HOPX: variants seen among roughly 807,000 people sequenced by gnomAD.
HOPX encodes HOP homeobox, also known as homeodomain-only protein.
A neutral mutation model predicts 11.8 loss-of-function variants in HOPX; 5 were observed. The observed-to-expected ratio is 0.43, with a 90% CI of 0.22 to 0.89. The LOEUF is 0.89. Among genes scored for constraint, HOPX ranks in the 40% least tolerant of loss-of-function variants. The pLI, the probability that HOPX is intolerant of heterozygous loss-of-function variation, is 0.28. For missense variants in HOPX, 119 were observed against 120.0 expected (o/e 0.99, Z 0.04); for synonymous variants, 49 against 49.7 (o/e 0.99, Z 0.06).
chr4:56,655,857 C>G lies in HOPX; in HGVS notation c.198G>C (p.Gln66His). ...AEAGLSEEET[Q>H]KWFKQRLAKW... Reference sequence around the variant, plus strand: ...GCGCTGGGCGCGTGTGGGGACGCACCTGGGTCTCCTCCTCGGAAAGGCCTG... The same window carrying G: ...GCGCTGGGCGCGTGTGGGGACGCACGTGGGTCTCCTCCTCGGAAAGGCCTG... Residue 66 changes from glutamine (Q) to histidine (H), a missense_variant and splice_region_variant, in exon 3 of 4, where the codon CAG becomes CAC. Physicochemically the swap from Gln to His is conservative, Grantham distance 24. Transcript: ENST00000420433. The G allele has an allele frequency of 1.9e-6, 3 of 1,610,638 alleles. No individual in the cohort carries two copies. The highest frequency in any genetic ancestry group is 2.5e-6 in the Non-Finnish European group (3 of 1,178,574).
At position 56,651,873 on chromosome 4, in the gene HOPX, AGTGTGT is replaced by A. The variant is rs796685500; in HGVS notation, c.199-3082_199-3077del. 4.2e-3 allele frequency among the ~76,000 whole-genome samples: 570 copies of A among 136,736 alleles called. 3 individuals carry two copies. Among genetic ancestry groups the A allele is most frequent in the South Asian group, 0.01 (43 of 4,272 alleles). The allele number at this position is 136,736 out of a possible 152,430, so 89.7% of individuals were successfully genotyped here. ...GAGAGAGAGAAAGAGAGAGAGAGAG[AGTGTGT>A]GTGTGTGTGTGTGTGTGTGTGTGTG... On this transcript the variant is annotated intron_variant, in intron 3 of 3. Transcript: ENST00000420433.
chr4:56,654,368 G>T (rs990114160), intron 3 of HOPX, among the ~76,000 whole-genome samples: 1 of 152,172 alleles, frequency 6.6e-6, no homozygotes, highest in Non-Finnish European at 1.5e-5. Context: ...GGCCGAGAAG[G>T]GGTTGGACCT....
chr4:56,657,630 A>T lies in HOPX; in HGVS notation c.42+145T>A, dbSNP rs182403438. ...TTTTTAGGGGATTCTGTGCTTTCCCACCTAAAAATCATAGCACTGATTCCT... is the reference window on the plus strand; with the variant it reads ...TTTTTAGGGGATTCTGTGCTTTCCCTCCTAAAAATCATAGCACTGATTCCT... On this transcript the variant is annotated intron_variant, in intron 2 of 3. Coordinates refer to ENST00000420433, the MANE Select transcript of HOPX (RefSeq NM_032495.6). 3.1e-5 allele frequency: 21 copies of T among 675,278 alleles called. No homozygotes were observed. The African/African-American group carries it at 3.6e-4, about 11-fold the overall frequency. 41.8% of individuals were successfully genotyped at this position (675,278 alleles called of 1,614,324 possible). A position where few individuals can be genotyped will look rare whatever the true frequency, so the allele number is the denominator to read the frequency against.
chr4:56,661,372 GT>G (rs1718116045), intron 1 of HOPX, among the ~76,000 whole-genome samples: 1 of 152,092 alleles, frequency 6.6e-6, no homozygotes, highest in African/African-American at 2.4e-5. Context: ...TATCTAGGTT[GT>G]TTCCAGATTT....
rs915389024 is a variant in HOPX at position 56,651,888 on chromosome 4, G to T, written c.199-3091C>A. Among the ~76,000 whole-genome samples, 8 of 150,096 alleles carry T rather than the reference G, an allele frequency of 5.3e-5. No individual in the cohort carries two copies. The East Asian group carries it at 1.4e-3, about 26-fold the overall frequency. On this transcript the variant is annotated intron_variant, in intron 3 of 3. Transcript: ENST00000420433. ...AGAGAGAGAGAGTGTGTGTGTGTGT[G>T]TGTGTGTGTGTGTGTGTGTGTGTGT...
chr4:56,662,639 G>T (rs555746841), intron 1 of HOPX: 1 of 152,244 alleles, frequency 6.6e-6, no homozygotes, highest in African/African-American at 2.4e-5. Context: ...ACCACACCTT[G>T]CTAATTTTTG....
At chr4:56,653,374 T>C (rs548683923) in intron 3 of HOPX, among the ~76,000 whole-genome samples, 10 of 152,216 alleles carry the variant, frequency 6.6e-5, no homozygotes, top group African/African-American at 2.2e-4. Context: ...TTCTTTTTCA[T>C]AGGAGATACT....
rs1358394510 is a variant in HOPX at position 56,677,359 on chromosome 4, G to A, written c.-84+3896C>T. ...AGTTGCTTGGAATTCTGACCAATAA[G>A]GAGCACATATTTTGCATAAAACTTT... On this transcript the variant is annotated intron_variant, in intron 1 of 3. Coordinates refer to ENST00000420433, the MANE Select transcript of HOPX (RefSeq NM_032495.6). Among the ~76,000 whole-genome samples the A allele has an allele frequency of 2.0e-5, 3 of 151,648 alleles. 1 individual carries two copies. Among genetic ancestry groups the A allele is most frequent in the African/African-American group, 7.3e-5 (3 of 40,964 alleles).
intron 1 of HOPX, chr4:56,680,952 T>C: frequency 2.3e-6 from 2 of 870,288 alleles, no homozygotes; most frequent in Non-Finnish European, 2.8e-6. Flanking sequence ...GTTTCAAAGT[T>C]ATCTTTCCAA....
chr4:56,677,075 A>C (rs1394401566), intron 1 of HOPX, among the ~76,000 whole-genome samples: 2 of 151,858 alleles, frequency 1.3e-5, no homozygotes, highest in African/African-American at 4.9e-5. Flanking sequence ...AGAAAGAAGC[A>C]GGTAATATTC....
At chr4:56,681,184 T>C (rs985144987) in intron 1 of HOPX, 71 bp downstream of exon 1, 1 of 969,246 alleles carries the variant, frequency 1.0e-6, no homozygotes, top group African/African-American at 1.8e-5. Context: ...ACGGTAACGA[T>C]AGCATTTTGG....
chr4:56,652,632 AC>A (rs1257853858), intron 3 of HOPX, among the ~76,000 whole-genome samples: 1 of 152,064 alleles, frequency 6.6e-6, no homozygotes, highest in East Asian at 1.9e-4. Context: ...ACATAGTGAG[AC>A]CCCCATCTCT....
rs768159532 is a variant in HOPX at position 56,648,733 on chromosome 4, G to T, written c.263C>A (p.Ser88Tyr). The change falls in exon 4 of 4, where the codon TCC (serine) becomes TAC (tyrosine). Residue 88 changes from serine (S) to tyrosine (Y), a missense_variant. Physicochemically the swap from Ser to Tyr is moderately radical, Grantham distance 144. Coordinates refer to ENST00000420433, the MANE Select transcript of HOPX (RefSeq NM_032495.6). ...RSEGLPSECR[S>Y]VTD ...CCTGCCATCTCCTTAGTCTGTGACG[G>T]ATCTGCACTCTGAGGGCAGGCCTTC... The T allele has an allele frequency of 4.3e-6, 7 of 1,609,622 alleles. No homozygotes were observed. The highest frequency in any genetic ancestry group is 3.3e-5 in the Admixed American group (2 of 59,966).
Position 56,662,133 on chromosome 4 carries a change from A to C in HOPX, c.-83-4234T>G, listed in dbSNP as rs577061563. The stretch of plus-strand genomic sequence containing the variant: ...GAAAGTATAAAAGAAAAATGAAAAG[A>C]AAGTGTAAAAGAAAGATGGACAGAA... On this transcript the variant is annotated intron_variant, in intron 1 of 3. Transcript: ENST00000420433. Among the ~76,000 whole-genome samples, 95 of 152,264 alleles carry C rather than the reference A, an allele frequency of 6.2e-4. 1 individual carries two copies. Among genetic ancestry groups the C allele is most frequent in the Non-Finnish European group, 1.2e-3 (79 of 68,042 alleles).
intron 1 of HOPX, among the ~76,000 whole-genome samples, chr4:56,677,728 G>T (rs536080007): frequency 6.6e-6 from 1 of 151,526 alleles, no homozygotes; most frequent in Non-Finnish European, 1.5e-5. Context: ...GAGAGCTAAG[G>T]AGCCACAGAC....
rs567038613 is a variant in HOPX at position 56,654,362 on chromosome 4, G to A, written c.198+1495C>T. 1.7e-4 allele frequency among the ~76,000 whole-genome samples: 26 copies of A among 152,326 alleles called. 1 individual carries two copies. The South Asian group carries it at 5.4e-3, about 32-fold the overall frequency. On this transcript the variant is annotated intron_variant, in intron 3 of 3. Transcript: ENST00000420433. ...AACTCGCCAGGCACAATCAGAGGCC[G>A]AGAAGGGGTTGGACCTCTTGTTGGT...
chr4:56,656,069 G>A, intron 2 of HOPX, 57 bp from the exon 3 acceptor site: 1 of 1,414,132 alleles, frequency 7.1e-7, no homozygotes, highest in Non-Finnish European at 9.2e-7. Flanking sequence ...GCGGGACGCA[G>A]CGAAGGAAGG....
chr4:56,649,452 T>C (rs1716940899), intron 3 of HOPX: 1 of 152,250 alleles, frequency 6.6e-6, no homozygotes, highest in Admixed American at 6.5e-5. Flanking sequence ...ATTTGTTGAA[T>C]AAGATTAATA....
intron 3 of HOPX, among the ~76,000 whole-genome samples, chr4:56,653,192 C>T (rs767510378): frequency 6.6e-6 from 1 of 152,090 alleles, no homozygotes; most frequent in Non-Finnish European, 1.5e-5. Flanking sequence ...CATGCACCAG[C>T]ACACCTGTTT....
Sources: gnomAD v4.1 joint callset for allele counts (sites outside exome capture counted in the v4.1 genomes callset) on GRCh38, gnomAD v4.1.1 for gene constraint, MANE v1.5 for transcripts, NCBI Gene and HGNC (gene_info 2026-07-23, HGNC 2026-07-21) for gene names.